MKLN1: variants seen among roughly 807,000 people sequenced by gnomAD.
MKLN1 encodes muskelin 1, also known as muskelin.
In MKLN1, 18 loss-of-function variants were observed where a neutral mutation model predicts 99.0. The observed-to-expected ratio is 0.18, with a 90% confidence interval of 0.13 to 0.27. The LOEUF (loss-of-function observed/expected upper bound fraction) is 0.27, where lower values mean the gene tolerates loss of function less well. Ranked by LOEUF, MKLN1 falls within the 10% of genes least tolerant of loss-of-function variation. The pLI is 1.00. For synonymous variants in MKLN1, 288 were observed against 293.2 expected (o/e 0.98, Z 0.18); for missense variants, 621 against 875.9 (o/e 0.71, Z 3.67).
intron 1 of MKLN1, among the ~76,000 whole-genome samples, chr7:131,122,145 A>C (rs1413573580): frequency 6.6e-6 from 1 of 152,392 alleles, no homozygotes; most frequent in South Asian, 2.1e-4. Context: ...ACCCACACAT[A>C]ATAAATGATC....
At chr7:131,148,404 T>C (rs1344066412) in intron 2 of MKLN1, among the ~76,000 whole-genome samples, 7 of 152,200 alleles carry the variant, frequency 4.6e-5, no homozygotes, top group Non-Finnish European at 8.8e-5. Context: ...AGGAATGGAA[T>C]ACCGAAATGG....
chr7:131,399,779 G>C lies in MKLN1; in HGVS notation c.703+346G>C, dbSNP rs78450898. On this transcript the variant is annotated intron_variant, in intron 6 of 17. Transcript: ENST00000352689. ...ATTAACAGTGTAGTTTTGAGGAGAA[G>C]GGGGGCTAGATAATAAAAAATGTTA... 3.7e-3 allele frequency among the ~76,000 whole-genome samples: 564 copies of C among 152,228 alleles called. 30 individuals are homozygous for C. In the East Asian group the frequency reaches 0.093, roughly 25 times the overall value.
intron 2 of MKLN1, among the ~76,000 whole-genome samples, chr7:131,167,700 A>G (rs943525897): frequency 1.3e-5 from 2 of 152,044 alleles, no homozygotes; most frequent in Non-Finnish European, 1.5e-5. Flanking sequence ...TGTGGAAAAG[A>G]AAACACACAG....
chr7:131,381,919 G>A (rs576350663), intron 2 of MKLN1, among the ~76,000 whole-genome samples: 2 of 152,118 alleles, frequency 1.3e-5, no homozygotes, highest in Middle Eastern at 3.2e-3. Flanking sequence ...ACTGGCAAGC[G>A]CAAGTGTCAT....
upstream of MKLN1, chr7:131,327,817 GC>G: frequency 2.0e-6 from 3 of 1,518,102 alleles, no homozygotes; most frequent in Non-Finnish European, 2.6e-6. Flanking sequence ...GAGGGCGGCG[GC>G]CCCTTTAAGA....
chr7:131,298,197 G>C (rs1241959071), intron 3 of MKLN1, among the ~76,000 whole-genome samples: 1 of 152,140 alleles, frequency 6.6e-6, no homozygotes, highest in African/African-American at 2.4e-5. Context: ...CGTGAACCCA[G>C]GAGGTGGAGC....
At chr7:131,312,455 A>G (rs965137398) in intron 3 of MKLN1, among the ~76,000 whole-genome samples, 1 of 152,236 alleles carries the variant, frequency 6.6e-6, no homozygotes, top group African/African-American at 2.4e-5. Flanking sequence ...ATCAATGCAT[A>G]ATTTTTAGAA....
chr7:131,184,094 T>C (rs1796414394), intron 2 of MKLN1, among the ~76,000 whole-genome samples: 1 of 152,112 alleles, frequency 6.6e-6, no homozygotes, highest in South Asian at 2.1e-4. Context: ...GACCATAGAC[T>C]TCAAGGGTCT....
chr7:131,428,285 A>C (rs1165386501), intron 8 of MKLN1, among the ~76,000 whole-genome samples: 1 of 152,224 alleles, frequency 6.6e-6, no homozygotes, highest in Non-Finnish European at 1.5e-5. Context: ...AAGTCTGTGA[A>C]TATAATAGAC....
intron 1 of MKLN1, among the ~76,000 whole-genome samples, chr7:131,135,727 C>T (rs537554424): frequency 1.2e-4 from 19 of 152,176 alleles, no homozygotes; most frequent in Non-Finnish European, 2.2e-4. Context: ...GAGGTCATTG[C>T]GAGCTTCATC....
At chr7:131,129,974 G>T (rs1055073348) in intron 1 of MKLN1, among the ~76,000 whole-genome samples, 1 of 152,130 alleles carries the variant, frequency 6.6e-6, no homozygotes, top group East Asian at 1.9e-4. Context: ...ATTTATAATT[G>T]ATTTTATTTT....
chr7:131,351,544 T>G (rs1799720514), intron 1 of MKLN1, among the ~76,000 whole-genome samples: 2 of 152,060 alleles, frequency 1.3e-5, no homozygotes, highest in African/African-American at 4.8e-5. Flanking sequence ...CACTGTAGCC[T>G]TGAACCTCCT....
intron 12 of MKLN1, among the ~76,000 whole-genome samples, chr7:131,458,681 G>A (rs1796420550): frequency 6.6e-6 from 1 of 150,878 alleles, no homozygotes; most frequent in South Asian, 2.1e-4. Flanking sequence ...TTTTTGTTTT[G>A]TTGGAATATC....
chr7:131,428,928 T>C, intron 8 of MKLN1, 105 bp from the exon 9 acceptor site: 1 of 720,638 alleles, frequency 1.4e-6, no homozygotes, highest in Non-Finnish European at 2.3e-6. Context: ...TTAAAATTTA[T>C]TTAGATGTAG....
rs143219805 is a variant in MKLN1, at chr7:131,299,881, G to T, written c.-178-75543G>T. ...GAAATACCACCTCTAAAAATAGAAT[G>T]CTATAAACAGAATGATGTCTTTTGT... is the stretch of plus-strand genomic sequence containing the variant. On this transcript the variant is annotated intron_variant, in intron 3 of 7. Coordinates refer to the MKLN1 transcript ENST00000416992. Among the ~76,000 whole-genome samples, 39 of 152,284 alleles carry T rather than the reference G, an allele frequency of 2.6e-4. No homozygotes were observed. In the East Asian group the frequency reaches 6.7e-3, roughly 26 times the overall value.
intron 3 of MKLN1, among the ~76,000 whole-genome samples, chr7:131,228,220 T>A (rs1422043441): frequency 6.6e-6 from 1 of 152,178 alleles, no homozygotes; most frequent in Non-Finnish European, 1.5e-5. Flanking sequence ...TGCACCACCA[T>A]ACCCAGCTAA....
At chr7:131,167,412 C>A (rs1469430673) in intron 2 of MKLN1, among the ~76,000 whole-genome samples, 2 of 152,102 alleles carry the variant, frequency 1.3e-5, no homozygotes, top group African/African-American at 2.4e-5. Context: ...TGGCTTATGC[C>A]TGTAATCCCA....
intron 3 of MKLN1, among the ~76,000 whole-genome samples, chr7:131,221,159 C>T (rs567148547): frequency 2.0e-5 from 3 of 152,284 alleles, no homozygotes; most frequent in South Asian, 4.1e-4. Flanking sequence ...GCACAGTATG[C>T]GTGATGGACA....
At chr7:131,213,569 A>T (rs1796937401) in intron 3 of MKLN1, among the ~76,000 whole-genome samples, 1 of 152,218 alleles carries the variant, frequency 6.6e-6, no homozygotes, top group Non-Finnish European at 1.5e-5. Flanking sequence ...CACCTCTAAC[A>T]GCCAAGAATA....
Sources: allele counts gnomAD v4.1 joint callset (sites outside exome capture counted in the v4.1 genomes callset), GRCh38; gene constraint gnomAD v4.1.1; transcripts MANE v1.5; gene names NCBI Gene and HGNC (gene_info 2026-07-23, HGNC 2026-07-21).